NEXMIF: variants seen among roughly 807,000 people sequenced by gnomAD.
The protein encoded by NEXMIF is XLMR protein related to neurite extension.
NEXMIF carries 8 observed loss-of-function variants against 62.1 expected under a neutral mutation model. That is an observed-to-expected ratio of 0.13 (90% confidence interval 0.08 to 0.23). The LOEUF (loss-of-function observed/expected upper bound fraction) is 0.23, where lower values mean the gene tolerates loss of function less well. NEXMIF is among the 10% of genes least tolerant of loss of function. NEXMIF has a pLI of 1.00. For synonymous variants in NEXMIF, 404 were observed against 416.6 expected, an observed-to-expected ratio of 0.97 and a Z score of 0.37; for missense variants, 976 against 1,113.3, an observed-to-expected ratio of 0.88 and a Z score of 1.75.
At chrX:74,796,211 A>ATATATAT (rs2080309215) in intron 1 of NEXMIF, among the ~76,000 whole-genome samples, 5 of 68,191 alleles carry the variant, frequency 7.3e-5, no homozygotes, top group African/African-American at 2.5e-4. Context: ...CATATATATT[A>ATATATAT]TATATATATA....
intron 1 of NEXMIF, among the ~76,000 whole-genome samples, chrX:74,863,153 C>T (rs2080564154): frequency 1.0e-5 from 1 of 95,750 alleles, no homozygotes. Context: ...GCCTGGGTGA[C>T]AGAGCAGGAC....
intron 1 of NEXMIF, among the ~76,000 whole-genome samples, chrX:74,771,202 T>C (rs1001734081): frequency 1.8e-5 from 2 of 111,688 alleles, no homozygotes; most frequent in African/African-American, 3.3e-5. Flanking sequence ...AAATGTACTT[T>C]GCCTTAGCCA....
At chrX:74,809,982 T>C (rs181192516) in intron 1 of NEXMIF, among the ~76,000 whole-genome samples, 2 of 111,719 alleles carry the variant, frequency 1.8e-5, no homozygotes, top group Admixed American at 1.9e-4. Flanking sequence ...GATTACAAAA[T>C]AGTTCTATGA....
At position 74,740,304 on chromosome X, in the gene NEXMIF, T is replaced by C. The variant is rs752417405; in HGVS notation, c.4253A>G (p.Tyr1418Cys). 2.5e-6 allele frequency: 3 copies of C among 1,211,637 alleles called. No homozygotes were observed. The highest frequency in any genetic ancestry group is 3.5e-5 in the South Asian group (2 of 56,970). ...GDPGRANMPG[Y>C]NEDSRSTFFD... ...GAAGGTAGAGCGAGAGTCCTCGTTA[T>C]AACCAGGCATGTTTGCACGACCAGG... The change falls in exon 3 of 4, where the codon TAT becomes TGT. Residue 1418 changes from tyrosine to cysteine, a missense_variant. Physicochemically the swap from Tyr to Cys is radical, Grantham distance 194. Transcript: ENST00000055682.
intron 1 of NEXMIF, among the ~76,000 whole-genome samples, chrX:74,789,443 A>C (rs1466582185): frequency 9.1e-6 from 1 of 109,503 alleles, no homozygotes; most frequent in African/African-American, 3.3e-5. Context: ...ATATGTGTGC[A>C]TGTGTCTTTA....
intron 1 of NEXMIF, among the ~76,000 whole-genome samples, chrX:74,775,414 C>G (rs1034332419): frequency 6.3e-5 from 7 of 111,601 alleles, no homozygotes; most frequent in African/African-American, 2.3e-4. Flanking sequence ...TAAATATGAT[C>G]AAGTAATTAA....
intron 1 of NEXMIF, among the ~76,000 whole-genome samples, chrX:74,907,760 C>G (rs1248185948): frequency 9.0e-6 from 1 of 111,591 alleles, no homozygotes; most frequent in African/African-American, 3.3e-5. Context: ...GCCTAAATGC[C>G]TATGGTCCCT....
intron 1 of NEXMIF, among the ~76,000 whole-genome samples, chrX:74,849,940 C>A (rs1276386415): frequency 8.9e-6 from 1 of 112,027 alleles, no homozygotes; most frequent in Non-Finnish European, 1.9e-5. Context: ...ACAGTAGAGC[C>A]ACAGCACAGT....
chrX:74,875,181 T>G (rs1002435963), intron 1 of NEXMIF, among the ~76,000 whole-genome samples: 9 of 110,901 alleles, frequency 8.1e-5, no homozygotes, highest in Non-Finnish European at 1.3e-4. Context: ...AATACCTAAT[T>G]TATTGAGAGT....
At position 74,740,487 on chromosome X, in the gene NEXMIF, G is replaced by A; in HGVS notation, c.4070C>T (p.Pro1357Leu). 1 of 1,211,604 alleles carries A rather than the reference G, an allele frequency of 8.3e-7. No homozygotes were observed. Reference sequence around the variant, plus strand: ...TTTTAATTTTAGACTATTGGACTCAGGGGAGTAGAATATGTTGGGATCCCC... The same window carrying A: ...TTTTAATTTTAGACTATTGGACTCAAGGGAGTAGAATATGTTGGGATCCCC... ...HHGDPNIFYS[P>L]ESNSLKLKTL... The change falls in exon 3 of 4, where the codon CCT (proline) becomes CTT (leucine). Residue 1357 changes from proline (P) to leucine (L), a missense_variant. Physicochemically the swap from Pro to Leu is moderately conservative, Grantham distance 98. Around this residue, in one of 5 missense-constraint regions of NEXMIF, gnomAD observed 137 missense variants for 128.9 expected, o/e 1.06. Transcript: ENST00000055682.
At chrX:74,877,191 T>C (rs1196621840) in intron 1 of NEXMIF, among the ~76,000 whole-genome samples, 5 of 111,261 alleles carry the variant, frequency 4.5e-5, no homozygotes, top group Non-Finnish European at 9.4e-5. Flanking sequence ...GGCCTGGTGG[T>C]GACAAAATCT....
At chrX:74,810,333 T>G (rs2080356660) in intron 1 of NEXMIF, among the ~76,000 whole-genome samples, 1 of 111,848 alleles carries the variant, frequency 8.9e-6, no homozygotes, top group Non-Finnish European at 1.9e-5. Context: ...AACATTGGTA[T>G]GTAAATTACT....
intron 1 of NEXMIF, among the ~76,000 whole-genome samples, chrX:74,763,027 A>T (rs2080182567): frequency 8.9e-6 from 1 of 111,997 alleles, no homozygotes; most frequent in Non-Finnish European, 1.9e-5. Context: ...TGTTTTAGAC[A>T]TAAAGTCCTT....
At chrX:74,775,063 T>G (rs1174974648) in intron 1 of NEXMIF, among the ~76,000 whole-genome samples, 1 of 111,799 alleles carries the variant, frequency 8.9e-6, no homozygotes, top group African/African-American at 3.3e-5. Context: ...GAAAGGAGAC[T>G]GTTATCCTGA....
chrX:74,761,790 C>T (rs2080176995), intron 1 of NEXMIF, among the ~76,000 whole-genome samples: 1 of 110,530 alleles, frequency 9.0e-6, no homozygotes, highest in African/African-American at 3.3e-5. Flanking sequence ...GCTCTTGCTT[C>T]TATAGTTCTT....
chrX:74,768,709 G>T (rs763691740), intron 1 of NEXMIF, among the ~76,000 whole-genome samples: 23 of 111,965 alleles, frequency 2.1e-4, no homozygotes, highest in Non-Finnish European at 3.9e-4. Context: ...TAAAGAACAG[G>T]TTTAAACATT....
chrX:74,898,914 TAATC>T (rs1489125684), intron 1 of NEXMIF, among the ~76,000 whole-genome samples: 2 of 111,426 alleles, frequency 1.8e-5, no homozygotes, highest in Non-Finnish European at 3.8e-5. Context: ...GGAATAAACT[TAATC>T]AAGGAGAAGA....
intron 1 of NEXMIF, among the ~76,000 whole-genome samples, chrX:74,886,150 A>C (rs1461789080): frequency 8.9e-6 from 1 of 111,771 alleles, no homozygotes; most frequent in Non-Finnish European, 1.9e-5. Flanking sequence ...GACGTATCTC[A>C]AGATAATAAG....
intron 1 of NEXMIF, among the ~76,000 whole-genome samples, chrX:74,776,358 T>C (rs746474074): frequency 2.0e-4 from 22 of 111,806 alleles, no homozygotes; most frequent in Non-Finnish European, 1.9e-4. Context: ...TGGGGAAATA[T>C]AGGGATGAAG....
Sources: allele counts gnomAD v4.1 joint callset (sites outside exome capture counted in the v4.1 genomes callset), GRCh38; gene constraint gnomAD v4.1.1; regional missense constraint gnomAD v4.1.1; transcripts MANE v1.5; gene names NCBI Gene and HGNC (gene_info 2026-07-23, HGNC 2026-07-21).